Variants in CDH9 observed in about 807,000 individuals in gnomAD.
CDH9 encodes the protein cadherin 9, also known as cadherin-9.
A neutral mutation model predicts 70.9 loss-of-function variants in CDH9; 28 were observed. That is an observed-to-expected ratio of 0.40 (90% confidence interval 0.29 to 0.54). CDH9 has a LOEUF of 0.54. CDH9 is among the 20% of genes least tolerant of loss of function. The pLI is 0.59. For synonymous variants in CDH9, 409 were observed against 343.1 expected, an observed-to-expected ratio of 1.19 and a Z score of -2.12; for missense variants, 874 against 984.4, an observed-to-expected ratio of 0.89 and a Z score of 1.50.
At chr5:27,019,032 CA>C (rs1360309270) in intron 1 of CDH9, among the ~76,000 whole-genome samples, 2 of 151,736 alleles carry the variant, frequency 1.3e-5, no homozygotes, top group Admixed American at 1.3e-4. Context: ...CTGGGATAAA[CA>C]AGAGGAACCT....
At chr5:26,929,174 A>G (rs1323439841) in intron 2 of CDH9, among the ~76,000 whole-genome samples, 1 of 152,074 alleles carries the variant, frequency 6.6e-6, no homozygotes, top group East Asian at 1.9e-4. Context: ...TTAAAAATGG[A>G]CAAAATATCT....
chr5:26,982,924 A>G (rs1310212328), intron 2 of CDH9, among the ~76,000 whole-genome samples: 2 of 151,796 alleles, frequency 1.3e-5, no homozygotes, highest in Non-Finnish European at 1.5e-5. Flanking sequence ...TGACCTCGTG[A>G]TTTACCCGCC....
intron 2 of CDH9, among the ~76,000 whole-genome samples, chr5:26,951,951 T>TTTATTTTATTTTATG (rs2112048039): frequency 7.6e-6 from 1 of 132,382 alleles, no homozygotes; most frequent in South Asian, 2.4e-4. Flanking sequence ...TAAAATTTAT[T>TTTATTTTATTTTATG]TTATTTTATT....
intron 2 of CDH9, among the ~76,000 whole-genome samples, chr5:26,952,439 C>T (rs545964749): frequency 9.4e-5 from 11 of 117,002 alleles, no homozygotes; most frequent in East Asian, 7.5e-4. Flanking sequence ...ACGGTGAAAC[C>T]CCGTCTCTAC....
intron 1 of CDH9, among the ~76,000 whole-genome samples, chr5:27,008,146 T>C (rs888352683): frequency 1.3e-5 from 2 of 152,150 alleles, no homozygotes; most frequent in Non-Finnish European, 2.9e-5. Flanking sequence ...ATTTTTATTA[T>C]ATCTAGCATG....
intron 1 of CDH9, among the ~76,000 whole-genome samples, chr5:27,034,347 C>T (rs1743356239): frequency 6.6e-6 from 1 of 151,562 alleles, no homozygotes; most frequent in Non-Finnish European, 1.5e-5. Context: ...CAATCATATG[C>T]TCGTGTTTCA....
chr5:27,032,812 C>T (rs1390124102), intron 1 of CDH9, among the ~76,000 whole-genome samples: 1 of 151,236 alleles, frequency 6.6e-6, no homozygotes, highest in African/African-American at 2.4e-5. Flanking sequence ...AGCTTATTGA[C>T]TCTCGGGGAA....
At chr5:26,978,156 A>G (rs1742336010) in intron 2 of CDH9, among the ~76,000 whole-genome samples, 1 of 144,472 alleles carries the variant, frequency 6.9e-6, no homozygotes, top group Non-Finnish European at 1.5e-5. Flanking sequence ...GAGTAAAAAA[A>G]CAGAAACATT....
intron 4 of CDH9, among the ~76,000 whole-genome samples, chr5:26,906,340 A>G (rs554807909): frequency 3.3e-5 from 5 of 152,208 alleles, no homozygotes; most frequent in African/African-American, 1.2e-4. Context: ...TTGCTAAATC[A>G]ATGTATTTAA....
intron 2 of CDH9, among the ~76,000 whole-genome samples, chr5:26,924,384 T>G (rs1030043150): frequency 4.0e-5 from 6 of 151,348 alleles, no homozygotes. Context: ...TAATAATGAA[T>G]GAGACTGCAG....
At chr5:26,928,109 C>T (rs1183016013) in intron 2 of CDH9, among the ~76,000 whole-genome samples, 3 of 151,874 alleles carry the variant, frequency 2.0e-5, no homozygotes, top group Non-Finnish European at 4.4e-5. Flanking sequence ...AAAGACCCCA[C>T]CAAAAAACTG....
At chr5:26,978,202 T>C (rs1742337272) in intron 2 of CDH9, among the ~76,000 whole-genome samples, 2 of 151,660 alleles carry the variant, frequency 1.3e-5, no homozygotes. Context: ...TGAATAGAAA[T>C]AGACTTAAAG....
intron 11 of CDH9, among the ~76,000 whole-genome samples, chr5:26,882,734 G>T (rs1426135200): frequency 2.0e-5 from 3 of 151,800 alleles, no homozygotes; most frequent in African/African-American, 4.8e-5. Context: ...TTAACTGTTT[G>T]TCAGTATTAT....
chr5:27,011,248 G>A (rs1294193002), intron 1 of CDH9, among the ~76,000 whole-genome samples: 2 of 152,056 alleles, frequency 1.3e-5, no homozygotes, highest in Non-Finnish European at 2.9e-5. Flanking sequence ...ATATATTTAA[G>A]TCCCAACCCC....
chr5:27,024,162 A>G (rs1743184432), intron 1 of CDH9, among the ~76,000 whole-genome samples: 2 of 151,966 alleles, frequency 1.3e-5, no homozygotes, highest in South Asian at 2.1e-4. Context: ...CTGGACAAAT[A>G]TTTTCTAAGA....
At chr5:26,904,582 G>T (rs1740913563) in intron 5 of CDH9, among the ~76,000 whole-genome samples, 1 of 152,046 alleles carries the variant, frequency 6.6e-6, no homozygotes, top group African/African-American at 2.4e-5. Context: ...TCAGGGGCAG[G>T]TCTTAAGGAA....
chr5:26,987,290 C>T (rs1428443521), intron 2 of CDH9, among the ~76,000 whole-genome samples: 1 of 151,564 alleles, frequency 6.6e-6, no homozygotes, highest in Non-Finnish European at 1.5e-5. Flanking sequence ...TTTAACATTC[C>T]TCAGTATTGG....
At chr5:27,032,316 G>A (rs1385242442) in intron 1 of CDH9, among the ~76,000 whole-genome samples, 1 of 151,134 alleles carries the variant, frequency 6.6e-6, no homozygotes, top group African/African-American at 2.4e-5. Context: ...ATTGTATTAG[G>A]CATCTGAATT....
intron 1 of CDH9, among the ~76,000 whole-genome samples, chr5:27,022,105 A>T (rs929547467): frequency 1.3e-5 from 2 of 151,988 alleles, no homozygotes; most frequent in African/African-American, 4.8e-5. Context: ...CACGGTTAAG[A>T]ATAGTAATTT....
Sources: gnomAD v4.1 joint callset for allele counts (sites outside exome capture counted in the v4.1 genomes callset) on GRCh38, gnomAD v4.1.1 for gene constraint, MANE v1.5 for transcripts, NCBI Gene and HGNC (gene_info 2026-07-23, HGNC 2026-07-21) for gene names.